The following KLHL18 variants were observed in gnomAD, a reference collection of about 807,000 sequenced individuals.
The protein encoded by KLHL18 is kelch like family member 18.
KLHL18 carries 38 observed loss-of-function variants against 58.5 expected under a neutral mutation model. The observed-to-expected ratio is 0.65, with a 90% CI of 0.50 to 0.85. KLHL18 has a LOEUF of 0.85. KLHL18 is among the 40% of genes least tolerant of loss of function. The pLI is 0.00. For missense variants in KLHL18, 624 were observed against 778.4 expected (o/e 0.80, Z 2.36); for synonymous variants, 303 against 301.9 (o/e 1.00, Z -0.04).
rs113330016 is a variant in KLHL18 at position 47,330,252 on chromosome 3, G to A, written c.600+103G>A. ...TTTTACAAAGTTAAGATCATGACAT[G>A]TATGTGGCTGTTGTATATTATTGGG... On this transcript the variant is annotated intron_variant, in intron 4 of 9. Transcript: ENST00000232766. The A allele has an allele frequency of 1.9e-4, 189 of 996,940 alleles. No homozygotes were observed. The African/African-American group carries it at 2.7e-3, about 14-fold the overall frequency. 61.8% of individuals were successfully genotyped at this position (996,940 alleles called of 1,614,324 possible).
chr3:47,329,873 A>T, intron 3 of KLHL18, 78 bp from the exon 4 acceptor site: 2 of 1,274,760 alleles, frequency 1.6e-6, no homozygotes, highest in Non-Finnish European at 2.3e-6. Context: ...CTGTGGCTCT[A>T]CCCAGAACCA....
intron 4 of KLHL18, among the ~76,000 whole-genome samples, chr3:47,331,217 C>G (rs945660219): frequency 1.4e-4 from 22 of 152,076 alleles, no homozygotes; most frequent in African/African-American, 4.1e-4. Flanking sequence ...ACCTCTGCCT[C>G]CCGGGTTCAA....
In KLHL18 at chr3:47,346,808, C is replaced by T. The variant is rs993243063; in HGVS notation, c.*2867C>T. 6.6e-6 allele frequency: 1 copy of T among 152,628 alleles called. No homozygotes were observed. Among genetic ancestry groups the T allele is most frequent in the African/African-American group, 2.4e-5 (1 of 41,444 alleles). 9.5% of individuals were successfully genotyped at this position (152,628 alleles called of 1,614,324 possible). A position where few individuals can be genotyped will look rare whatever the true frequency, so the allele number is the denominator to read the frequency against. On this transcript the variant is annotated 3_prime_UTR_variant, in exon 10 of 10. Transcript: ENST00000232766. ...AAACCAAAGAGAAATAAAGAGAACACTCCTAATAGCTCTTGTCCTTTCTTG... is the reference window on the plus strand; with the variant it reads ...AAACCAAAGAGAAATAAAGAGAACATTCCTAATAGCTCTTGTCCTTTCTTG...
chr3:47,324,707 T>G (rs1703675238), intron 3 of KLHL18, among the ~76,000 whole-genome samples: 1 of 151,998 alleles, frequency 6.6e-6, no homozygotes, highest in African/African-American at 2.4e-5. Context: ...GTGCAGTGGC[T>G]CACATCTATA....
Position 47,343,805 on chromosome 3 carries a change from G to A in KLHL18, c.1589G>A (p.Gly530Glu). ...VASCGRLYAV[G>E]GYDGQSNLSS... is the part of the protein sequence containing the mutation. Reference sequence around the variant, plus strand: ...AGCTGTGGGCGCCTCTACGCTGTTGGGGGCTACGACGGACAGTCAAACCTA... The same window carrying A: ...AGCTGTGGGCGCCTCTACGCTGTTGAGGGCTACGACGGACAGTCAAACCTA... The change falls in exon 10 of 10, where the codon GGG (glycine) becomes GAG (glutamate). Residue 530 changes from glycine (G) to glutamate (E), a missense_variant. Physicochemically the swap from Gly to Glu is moderately conservative, Grantham distance 98 (BLOSUM62 -2). Transcript: ENST00000232766. The A allele has an allele frequency of 6.2e-7, 1 of 1,614,200 alleles. No individual in the cohort carries two copies. Among genetic ancestry groups the A allele is most frequent in the Non-Finnish European group, 8.5e-7 (1 of 1,180,032 alleles).
intron 1 of KLHL18, among the ~76,000 whole-genome samples, chr3:47,313,455 C>T (rs1703351629): frequency 6.6e-6 from 1 of 151,292 alleles, no homozygotes; most frequent in Non-Finnish European, 1.5e-5. Flanking sequence ...AACTTCTGGA[C>T]CCAGGCAGTC....
At chr3:47,313,081 T>G (rs1180837937) in intron 1 of KLHL18, among the ~76,000 whole-genome samples, 2 of 151,860 alleles carry the variant, frequency 1.3e-5, no homozygotes, top group East Asian at 3.9e-4. Context: ...AGCTAATTTT[T>G]TGTATTTTTA....
Position 47,288,914 on chromosome 3 carries a change from C to T in KLHL18, c.129+5820C>T, listed in dbSNP as rs1275716654. Among the ~76,000 whole-genome samples, 5 of 152,214 alleles carry T rather than the reference C, an allele frequency of 3.3e-5. No individual in the cohort carries two copies. The South Asian group carries it at 6.2e-4, about 19-fold the overall frequency. ...AGCGTTGAGTTTCGTGTCCTTTGCT[C>T]TGGGCTGCCAGGAGCCCAAGGCTCA... is the stretch of plus-strand genomic sequence containing the variant. On this transcript the variant is annotated intron_variant, in intron 1 of 9. Coordinates refer to ENST00000232766, the MANE Select transcript of KLHL18 (RefSeq NM_025010.5).
intron 3 of KLHL18, among the ~76,000 whole-genome samples, chr3:47,326,565 CACAA>C (rs1364196501): frequency 1.8e-4 from 27 of 152,120 alleles, no homozygotes; most frequent in Admixed American, 1.8e-3. Flanking sequence ...CTAATTGCCT[CACAA>C]ACAGGCTCCC....
intron 1 of KLHL18, among the ~76,000 whole-genome samples, chr3:47,304,462 C>T (rs149613658): frequency 1.3e-5 from 2 of 152,160 alleles, no homozygotes; most frequent in East Asian, 3.9e-4. Flanking sequence ...ACGATTATGC[C>T]ACTGCACTCT....
At chr3:47,336,251 G>A (rs957992666) in intron 6 of KLHL18, among the ~76,000 whole-genome samples, 5 of 152,126 alleles carry the variant, frequency 3.3e-5, no homozygotes, top group African/African-American at 1.2e-4. Context: ...ATATTGTATC[G>A]ATTCACCTAT....
chr3:47,297,949 A>G (rs1010656583), intron 1 of KLHL18, among the ~76,000 whole-genome samples: 2 of 152,200 alleles, frequency 1.3e-5, no homozygotes, highest in Non-Finnish European at 2.9e-5. Context: ...AGAGGAGGGA[A>G]CATTTCAGCT....
intron 6 of KLHL18, among the ~76,000 whole-genome samples, chr3:47,335,249 C>A (rs1703958136): frequency 6.6e-6 from 1 of 152,184 alleles, no homozygotes; most frequent in Non-Finnish European, 1.5e-5. Context: ...CCAGGCTATT[C>A]ACATTTTGTC....
chr3:47,316,481 ATACATATATACATATATATG>A (rs1703426478), intron 1 of KLHL18, among the ~76,000 whole-genome samples: 1 of 16,670 alleles, frequency 6.0e-5, no homozygotes, highest in African/African-American at 9.7e-5. Flanking sequence ...ATGTATATAT[ATACATATATACATATATATG>A]TATATATATA....
intron 7 of KLHL18, among the ~76,000 whole-genome samples, chr3:47,339,490 C>CAAAAAAAAAAAAA (rs535713738): frequency 1.4e-5 from 1 of 69,226 alleles, no homozygotes; most frequent in African/African-American, 5.3e-5. Context: ...GACCTCATCT[C>CAAAAAAAAAAAAA]AAAAAAAAAA....
chr3:47,342,374 G>A (rs1176729782), intron 8 of KLHL18, among the ~76,000 whole-genome samples: 1 of 152,216 alleles, frequency 6.6e-6, no homozygotes, highest in Non-Finnish European at 1.5e-5. Flanking sequence ...TGGTGAGGGA[G>A]AAGCAGCCAG....
chr3:47,297,881 C>T (rs1702930112), intron 1 of KLHL18, among the ~76,000 whole-genome samples: 2 of 152,122 alleles, frequency 1.3e-5, no homozygotes, highest in Admixed American at 1.3e-4. Flanking sequence ...GTAGTGGACG[C>T]TTGTACCAAG....
chr3:47,298,160 C>T (rs1263015883), intron 1 of KLHL18, among the ~76,000 whole-genome samples: 1 of 151,782 alleles, frequency 6.6e-6, no homozygotes, highest in East Asian at 1.9e-4. Context: ...CAGAAGGAAG[C>T]CTTAAATCCA....
At chr3:47,292,429 G>A (rs1340425874) in intron 1 of KLHL18, among the ~76,000 whole-genome samples, 1 of 151,462 alleles carries the variant, frequency 6.6e-6, no homozygotes, top group Non-Finnish European at 1.5e-5. Context: ...AGCCGAGATC[G>A]TGCCATTGCA....
Sources: gnomAD v4.1 joint callset for allele counts (sites outside exome capture counted in the v4.1 genomes callset) on GRCh38, gnomAD v4.1.1 for gene constraint, MANE v1.5 for transcripts, NCBI Gene and HGNC (gene_info 2026-07-23, HGNC 2026-07-21) for gene names.